The following CDC14B variants were observed in gnomAD, a reference collection of about 807,000 sequenced individuals.
CDC14B encodes the protein cell division cycle 14B.
In CDC14B, 22 loss-of-function variants were observed where a neutral mutation model predicts 64.2. That is an observed-to-expected ratio of 0.34 (90% CI 0.24 to 0.49). The LOEUF is 0.49. Ranked by LOEUF, CDC14B falls within the 20% of genes least tolerant of loss-of-function variation. The pLI is 0.99. For missense variants in CDC14B, 498 were observed against 629.9 expected (o/e 0.79, Z 2.24); for synonymous variants, 191 against 215.8 (o/e 0.89, Z 1.01).
At chr9:96,558,131 G>A (rs560925062) in intron 4 of CDC14B, among the ~76,000 whole-genome samples, 1 of 152,320 alleles carries the variant, frequency 6.6e-6, no homozygotes, top group South Asian at 2.1e-4. Context: ...GTAGAATAAG[G>A]GTTATCAGAG....
intron 1 of CDC14B, among the ~76,000 whole-genome samples, chr9:96,603,471 T>A (rs1846643745): frequency 6.6e-6 from 1 of 152,176 alleles, no homozygotes; most frequent in South Asian, 2.1e-4. Flanking sequence ...CATAGGCCAA[T>A]GATAAATGCG....
downstream of CDC14B, among the ~76,000 whole-genome samples, chr9:96,498,174 C>G (rs1833330690): frequency 6.6e-5 from 10 of 152,170 alleles, no homozygotes; most frequent in Admixed American, 6.5e-4. Flanking sequence ...TGCTCCTTTC[C>G]AATGCACCCA....
At chr9:96,556,147 C>T (rs573525895) in intron 4 of CDC14B, among the ~76,000 whole-genome samples, 10 of 152,214 alleles carry the variant, frequency 6.6e-5, no homozygotes, top group African/African-American at 2.2e-4. Flanking sequence ...AGAACCCAAA[C>T]GTTACACAAG....
chr9:96,508,708 G>T (rs1834515462), intron 13 of CDC14B, among the ~76,000 whole-genome samples: 1 of 152,172 alleles, frequency 6.6e-6, no homozygotes, highest in African/African-American at 2.4e-5. Flanking sequence ...TGGCAGAGCT[G>T]AATGAGTCTT....
intron 1 of CDC14B, among the ~76,000 whole-genome samples, chr9:96,608,808 C>T (rs113535991): frequency 0.027 from 4,151 of 151,732 alleles, 181 homozygotes; most frequent in African/African-American, 0.095. Flanking sequence ...ATAGGGTTTT[C>T]GGTGAATTAT....
intron 4 of CDC14B, among the ~76,000 whole-genome samples, chr9:96,556,812 AC>A (rs1842563848): frequency 6.6e-6 from 1 of 152,054 alleles, no homozygotes; most frequent in African/African-American, 2.4e-5. Flanking sequence ...AGGAAAAAAA[AC>A]CCACAACTAT....
At position 96,494,697 on chromosome 9, in the gene CDC14B, T is replaced by TTTTC. The variant is rs10570858; in HGVS notation, c.*81-1449_*81-1446dup. On this transcript the variant is annotated intron_variant and NMD_transcript_variant, in intron 13 of 13. Coordinates refer to the CDC14B transcript ENST00000474602. ...GGGAACCACTGCCATCTGAGCACTC[T>TTTTC]TTTCTTTCTTTCTTTCTTCCTTTCC... Among the ~76,000 whole-genome samples the TTTTC allele has an allele frequency of 1.8e-4, 27 of 150,860 alleles. No homozygotes were observed. The East Asian group carries it at 2.2e-3, about 12-fold the overall frequency.
At chr9:96,561,160 C>T (rs1843124478) in intron 4 of CDC14B, among the ~76,000 whole-genome samples, 1 of 152,150 alleles carries the variant, frequency 6.6e-6, no homozygotes, top group Non-Finnish European at 1.5e-5. Context: ...TGGTCTCGTA[C>T]ACCTGACCTC....
intron 1 of CDC14B, among the ~76,000 whole-genome samples, chr9:96,618,163 G>T (rs1159683193): frequency 6.6e-6 from 1 of 152,078 alleles, no homozygotes; most frequent in South Asian, 2.1e-4. Context: ...TCTCCTAAAC[G>T]TCTGTGTTTG....
chr9:96,572,364 G>T (rs573657044), intron 1 of CDC14B, among the ~76,000 whole-genome samples: 18 of 152,298 alleles, frequency 1.2e-4, no homozygotes, highest in African/African-American at 3.8e-4. Context: ...AGGAGGGGGT[G>T]GTCTTGGGGA....
chr9:96,564,610 A>G (rs1843665846), intron 3 of CDC14B, among the ~76,000 whole-genome samples, 167 bp downstream of exon 3: 1 of 152,226 alleles, frequency 6.6e-6, no homozygotes, highest in Non-Finnish European at 1.5e-5. Context: ...TCTAGAAAAC[A>G]AATAGATACA....
At chr9:96,574,921 G>A (rs1333942350) in intron 1 of CDC14B, among the ~76,000 whole-genome samples, 1 of 152,156 alleles carries the variant, frequency 6.6e-6, no homozygotes, top group Non-Finnish European at 1.5e-5. Context: ...TGCACAAGAT[G>A]AAGAAGCCTA....
intron 4 of CDC14B, among the ~76,000 whole-genome samples, chr9:96,561,654 A>ATTT (rs1287669232): frequency 1.5e-5 from 2 of 137,260 alleles, no homozygotes; most frequent in African/African-American, 5.3e-5. Flanking sequence ...CATTTTTTGT[A>ATTT]TTTTTTTTTT....
intron 5 of CDC14B, among the ~76,000 whole-genome samples, 158 bp downstream of exon 5, chr9:96,551,638 G>A (rs1841863161): frequency 6.6e-6 from 1 of 152,242 alleles, no homozygotes; most frequent in Non-Finnish European, 1.5e-5. Flanking sequence ...ATGACAAAAC[G>A]TCAACAGTGT....
chr9:96,607,541 C>T (rs886522752), intron 1 of CDC14B, among the ~76,000 whole-genome samples: 6 of 151,646 alleles, frequency 4.0e-5, no homozygotes, highest in African/African-American at 1.5e-4. Flanking sequence ...CTGCCTCAGC[C>T]GCCTGAGTAG....
downstream of CDC14B, among the ~76,000 whole-genome samples, chr9:96,498,508 T>A (rs1289996681): frequency 6.6e-6 from 1 of 152,212 alleles, no homozygotes; most frequent in Non-Finnish European, 1.5e-5. Flanking sequence ...CTCTCGAGAC[T>A]TAGCTTCAGC....
intron 4 of CDC14B, among the ~76,000 whole-genome samples, chr9:96,560,569 G>A (rs1434532191): frequency 2.0e-5 from 3 of 148,674 alleles, no homozygotes; most frequent in Non-Finnish European, 3.0e-5. Flanking sequence ...TTCATACATA[G>A]ACTTTTCTCT....
intron 4 of CDC14B, among the ~76,000 whole-genome samples, chr9:96,559,455 AG>A (rs1311238854): frequency 6.6e-6 from 1 of 152,232 alleles, no homozygotes; most frequent in Admixed American, 6.5e-5. Context: ...GATGCGGATC[AG>A]TTTATAGGGA....
intron 9 of CDC14B, among the ~76,000 whole-genome samples, chr9:96,528,319 C>T (rs1177274267): frequency 6.6e-6 from 1 of 151,946 alleles, no homozygotes; most frequent in Non-Finnish European, 1.5e-5. Flanking sequence ...GTCAGGAGTT[C>T]GAGACCAGCC....
Sources: gnomAD v4.1 joint callset for allele counts (sites outside exome capture counted in the v4.1 genomes callset) on GRCh38, gnomAD v4.1.1 for gene constraint, MANE v1.5 for transcripts, NCBI Gene and HGNC (gene_info 2026-07-23, HGNC 2026-07-21) for gene names.